The following CYTIP variants were observed in gnomAD, a reference collection of about 807,000 sequenced individuals.
The protein encoded by CYTIP is cytohesin 1 interacting protein, also known as cytohesin-interacting protein.
CYTIP carries 26 observed loss-of-function variants against 43.8 expected under a neutral mutation model. The observed-to-expected ratio is 0.59, with a 90% confidence interval of 0.44 to 0.82. The LOEUF (loss-of-function observed/expected upper bound fraction) is 0.82, where lower values mean the gene tolerates loss of function less well. CYTIP is among the 40% of genes least tolerant of loss of function. The pLI, the probability that CYTIP is intolerant of heterozygous loss-of-function variation, is 0.00. For synonymous variants in CYTIP, 162 were observed against 162.9 expected (o/e 0.99, Z 0.04); for missense variants, 426 against 443.1 (o/e 0.96, Z 0.35).
intron 5 of CYTIP, 22 bp from the exon 6 acceptor site, chr2:157,427,442 G>A: frequency 6.5e-7 from 1 of 1,529,334 alleles, no homozygotes; most frequent in Non-Finnish European, 8.9e-7. Context: ...AAAAAAAAAA[G>A]AAGAGGAAGG....
At chr2:157,421,410 T>C (rs1449864310) in intron 6 of CYTIP, among the ~76,000 whole-genome samples, 1 of 152,256 alleles carries the variant, frequency 6.6e-6, no homozygotes, top group African/African-American at 2.4e-5. Context: ...CAGCTGAACA[T>C]TTCCATGGCA....
chr2:157,424,752 G>T (rs1685577945), intron 6 of CYTIP, among the ~76,000 whole-genome samples: 1 of 152,074 alleles, frequency 6.6e-6, no homozygotes, highest in African/African-American at 2.4e-5. Flanking sequence ...CATATAATCT[G>T]CTTTTATAAT....
intron 5 of CYTIP, among the ~76,000 whole-genome samples, chr2:157,429,509 G>A (rs1490677461): frequency 1.3e-5 from 2 of 152,122 alleles, no homozygotes; most frequent in Non-Finnish European, 2.9e-5. Flanking sequence ...GCTTTTCTGA[G>A]CCATTTCCTT....
intron 6 of CYTIP, among the ~76,000 whole-genome samples, chr2:157,422,636 C>T (rs1460205897): frequency 1.3e-5 from 2 of 149,336 alleles, no homozygotes; most frequent in Admixed American, 1.3e-4. Flanking sequence ...TGCCACTGCA[C>T]TCCAGCCTGG....
rs774414589 is a variant in CYTIP, at chr2:157,441,598, GCACATA to G, written c.174+2243_174+2248del. Among the ~76,000 whole-genome samples, 23 of 58,950 alleles carry G rather than the reference GCACATA, an allele frequency of 3.9e-4. No individual in the cohort carries two copies. In the East Asian group the frequency reaches 5.9e-3, roughly 15 times the overall value. 38.7% of individuals were successfully genotyped at this position (58,950 alleles called of 152,430 possible). A position where few individuals can be genotyped will look rare whatever the true frequency, so the allele number is the denominator to read the frequency against. Reference sequence around the variant, plus strand: ...TGTGCATATGTGTACATGTATATATGCACATACACACACACACACACACACACACAC... The same window carrying G: ...TGTGCATATGTGTACATGTATATATGCACACACACACACACACACACACAC... On this transcript the variant is annotated intron_variant, in intron 1 of 7. Transcript: ENST00000264192.
At chr2:157,434,594 GT>G in intron 2 of CYTIP, 103 bp downstream of exon 2, 1 of 654,660 alleles carries the variant, frequency 1.5e-6, no homozygotes, top group Non-Finnish European at 2.5e-6. Flanking sequence ...GTGTGTGTGC[GT>G]AGAGAGAGAG....
intron 3 of CYTIP, among the ~76,000 whole-genome samples, chr2:157,432,408 AC>A (rs1685727009): frequency 6.6e-6 from 1 of 152,216 alleles, no homozygotes; most frequent in Non-Finnish European, 1.5e-5. Context: ...CACAATGATC[AC>A]CTGCATTTCT....
intron 6 of CYTIP, among the ~76,000 whole-genome samples, chr2:157,420,044 C>T (rs1231270097): frequency 2.6e-5 from 4 of 152,226 alleles, no homozygotes; most frequent in Non-Finnish European, 5.9e-5. Flanking sequence ...AGCTTTAATA[C>T]TGCTTTGAGG....
chr2:157,433,054 T>C (rs1685738857), intron 3 of CYTIP, among the ~76,000 whole-genome samples: 1 of 152,160 alleles, frequency 6.6e-6, no homozygotes, highest in African/African-American at 2.4e-5. Flanking sequence ...GGAGAAAAAC[T>C]TAAGAAAGTA....
chr2:157,436,554 A>G (rs900064038), intron 1 of CYTIP, among the ~76,000 whole-genome samples: 1 of 151,932 alleles, frequency 6.6e-6, no homozygotes, highest in African/African-American at 2.4e-5. Context: ...AGTATTCATC[A>G]TATTATTCAT....
intron 6 of CYTIP, among the ~76,000 whole-genome samples, chr2:157,421,344 C>T (rs1159322783): frequency 6.6e-6 from 1 of 152,204 alleles, no homozygotes; most frequent in Non-Finnish European, 1.5e-5. Flanking sequence ...CAACTCTCAG[C>T]TATCACACAT....
In CYTIP at chr2:157,426,639, G is replaced by A. The variant is rs564324520; in HGVS notation, c.546+712C>T. ...CTCAGATTGGCTACCTGGTTGCTCT[G>A]CAAGGGGGAGATTGGGATGCAGAGG... On this transcript the variant is annotated intron_variant, in intron 6 of 7. Coordinates refer to ENST00000264192, the MANE Select transcript of CYTIP (RefSeq NM_004288.5). 2.6e-5 allele frequency among the ~76,000 whole-genome samples: 4 copies of A among 152,306 alleles called. No homozygotes were observed. In the South Asian group the frequency reaches 8.3e-4, roughly 32 times the overall value.
intron 3 of CYTIP, among the ~76,000 whole-genome samples, chr2:157,432,706 G>C (rs539297465): frequency 6.6e-6 from 1 of 152,100 alleles, no homozygotes; most frequent in Admixed American, 6.6e-5. Context: ...CATTCCTCTA[G>C]TAGGCCACAT....
Position 157,418,570 on chromosome 2 carries a change from C to G in CYTIP, c.566G>C (p.Trp189Ser). The G allele has an allele frequency of 6.4e-7, 1 of 1,559,490 alleles. No homozygotes were observed. Among genetic ancestry groups the G allele is most frequent in the Non-Finnish European group, 8.7e-7 (1 of 1,154,780 alleles). Residue 189 changes from tryptophan to serine, a missense_variant, in exon 7 of 8, where the codon TGG (tryptophan) becomes TCG (serine). Trp to Ser is a radical substitution (Grantham distance 177). Transcript: ENST00000264192. ...QVLKQTLKQKWVEYRSLQLQE... is the reference protein window; with the variant it reads ...QVLKQTLKQKSVEYRSLQLQE... ...TAACTGCAGAGATCTGTACTCCACC[C>G]ATTTTTGTTTCAAAGTTTGCTGTGA...
In CYTIP at chr2:157,437,354, GA is replaced by G. The variant is rs1013076464; in HGVS notation, c.175-2608del. Among the ~76,000 whole-genome samples the G allele has an allele frequency of 4.2e-3, 620 of 146,748 alleles. 5 individuals are homozygous for G. The highest frequency in any genetic ancestry group is 0.011 in the African/African-American group (460 of 40,182). ...TATAATGAACTAAAATACCTCAACA[GA>G]AAAAAAAAAATTTAAAAATGGGCAA... is the stretch of plus-strand genomic sequence containing the variant. On this transcript the variant is annotated intron_variant, in intron 1 of 7. Transcript: ENST00000264192.
chr2:157,424,656 C>T (rs1685576107), intron 6 of CYTIP, among the ~76,000 whole-genome samples: 2 of 152,220 alleles, frequency 1.3e-5, no homozygotes, highest in Admixed American at 1.3e-4. Flanking sequence ...CGTTGCTGCA[C>T]TCCAGCAAGG....
intron 1 of CYTIP, among the ~76,000 whole-genome samples, chr2:157,442,061 C>CA (rs1211819212): frequency 6.6e-6 from 1 of 152,162 alleles, no homozygotes; most frequent in African/African-American, 2.4e-5. Flanking sequence ...TGTTGTTACA[C>CA]AAAAAAGTCC....
chr2:157,419,567 C>A (rs1304908947), intron 6 of CYTIP, among the ~76,000 whole-genome samples: 3 of 152,310 alleles, frequency 2.0e-5, no homozygotes, highest in Non-Finnish European at 2.9e-5. Context: ...AAAGACATAG[C>A]CATAGGCTCA....
rs1270268367 is a variant in CYTIP at position 157,430,887 on chromosome 2, G to T, written c.355C>A (p.Pro119Thr). 6.2e-7 allele frequency: 1 copy of T among 1,613,482 alleles called. No homozygotes were observed. Among genetic ancestry groups the T allele is most frequent in the Non-Finnish European group, 8.5e-7 (1 of 1,179,842 alleles). Residue 119 changes from proline (P) to threonine (T), a missense_variant, in exon 4 of 8, where the codon CCA becomes ACA. Pro to Thr is a conservative substitution (Grantham distance 38, BLOSUM62 -1). Transcript: ENST00000264192. ...GCTTGCAGGCCAGCACAGTGAGCTG[G>T]GCTGTCCTCCTGTATTTTGCATATC... ...TLICKIQEDS[P>T]AHCAGLQAGD...
Sources: allele counts gnomAD v4.1 joint callset (sites outside exome capture counted in the v4.1 genomes callset), GRCh38; gene constraint gnomAD v4.1.1; transcripts MANE v1.5; gene names NCBI Gene and HGNC (gene_info 2026-07-23, HGNC 2026-07-21).